The following PTPN13 variants were observed in gnomAD, a reference collection of about 807,000 sequenced individuals.
PTPN13 encodes the protein protein tyrosine phosphatase non-receptor type 13.
A neutral mutation model predicts 284.0 loss-of-function variants in PTPN13; 191 were observed. That is an observed-to-expected ratio of 0.67 (90% confidence interval 0.60 to 0.76). The LOEUF is 0.76. PTPN13 is among the 30% of genes least tolerant of loss of function. The probability of loss-of-function intolerance (pLI) is 0.00; values close to 1 mark genes in which losing one functional copy is unlikely to be tolerated. For missense variants in PTPN13, 2,797 were observed against 2,939.9 expected (o/e 0.95, Z 1.12); for synonymous variants, 986 against 1,022.3 (o/e 0.96, Z 0.68).
At chr4:86,799,069 G>T in intron 41 of PTPN13, 32 bp from the exon 42 acceptor site, 3 of 1,331,194 alleles carry the variant, frequency 2.3e-6, no homozygotes, top group South Asian at 1.4e-5. Flanking sequence ...CAAAAATGAA[G>T]AAAATGTTTC....
intron 1 of PTPN13, among the ~76,000 whole-genome samples, chr4:86,614,057 G>A (rs866933019): frequency 3.3e-5 from 5 of 152,222 alleles, no homozygotes; most frequent in Non-Finnish European, 7.4e-5. Flanking sequence ...GGGGCTCAGA[G>A]ATACATAGCT....
intron 2 of PTPN13, among the ~76,000 whole-genome samples, chr4:86,642,254 G>C (rs904888840): frequency 1.3e-5 from 2 of 151,516 alleles, no homozygotes; most frequent in Admixed American, 6.6e-5. Context: ...TATAATTTAG[G>C]TACTTTTTGT....
At chr4:86,805,884 A>G (rs1744598411) in intron 44 of PTPN13, among the ~76,000 whole-genome samples, 1 of 152,164 alleles carries the variant, frequency 6.6e-6, no homozygotes, top group Admixed American at 6.6e-5. Flanking sequence ...GGCCCGGTGC[A>G]GTGGCTCACA....
Position 86,689,151 on chromosome 4 carries a change from G to A in PTPN13, c.507G>A (p.Val169=), listed in dbSNP as rs1434532433. Reference sequence around the variant, plus strand: ...ATTGTGCACCCTCATTTTCCTACGTGAAACACTTGGTAAAACTGGTTCTGG... The same window carrying A: ...ATTGTGCACCCTCATTTTCCTACGTAAAACACTTGGTAAAACTGGTTCTGG... The part of the protein sequence containing the change: ...NSNCAPSFSY[V]KHLVKLVLGN... Residue 169 remains valine, a synonymous_variant, in exon 5 of 48, where the codon GTG becomes GTA. Coordinates refer to ENST00000411767, the MANE Select transcript of PTPN13 (RefSeq NM_080683.3). 1.2e-6 allele frequency: 2 copies of A among 1,613,508 alleles called. No individual in the cohort carries two copies. Among genetic ancestry groups the A allele is most frequent in the Non-Finnish European group, 1.7e-6 (2 of 1,179,638 alleles).
At chr4:86,668,120 T>C (rs1264400696) in intron 2 of PTPN13, among the ~76,000 whole-genome samples, 1 of 152,198 alleles carries the variant, frequency 6.6e-6, no homozygotes, top group Non-Finnish European at 1.5e-5. Context: ...GGAATGTTGG[T>C]AAAATCTATA....
chr4:86,749,587 A>G (rs1737158687), intron 17 of PTPN13, among the ~76,000 whole-genome samples: 1 of 152,242 alleles, frequency 6.6e-6, no homozygotes, highest in South Asian at 2.1e-4. Flanking sequence ...TCAAATATTA[A>G]AATATCACTG....
At chr4:86,697,454 T>G (rs1730696579) in intron 6 of PTPN13, among the ~76,000 whole-genome samples, 1 of 152,014 alleles carries the variant, frequency 6.6e-6, no homozygotes, top group Admixed American at 6.6e-5. Context: ...CCTTAAAAGG[T>G]CTCTTCTTAT....
intron 12 of PTPN13, 136 bp downstream of exon 12, chr4:86,732,902 C>T: frequency 1.7e-6 from 1 of 576,726 alleles, no homozygotes; most frequent in Non-Finnish European, 2.7e-6. Context: ...GAGTTAGGAA[C>T]TCCCTTTCTT....
chr4:86,800,919 A>T (rs1167862050), intron 42 of PTPN13, among the ~76,000 whole-genome samples: 1 of 151,900 alleles, frequency 6.6e-6, no homozygotes, highest in Admixed American at 6.6e-5. Context: ...TTCCCAGCCA[A>T]CCTCTGCCCG....
rs760967075 is a variant in PTPN13 at position 86,775,312 on chromosome 4, A to G, written c.5650A>G (p.Ile1884Val). ...IPMLPHLLPD[I>V]TLTCNKEELG... is the part of the protein sequence containing the mutation. ...AATGTTGCCTCATTTGCTACCGGAC[A>G]TAACACTAACGTGCAACAAAGAGGA... The change falls in exon 34 of 48, where the codon ATA (isoleucine) becomes GTA (valine). Residue 1884 changes from isoleucine to valine, a missense_variant. Coordinates refer to ENST00000411767, the MANE Select transcript of PTPN13 (RefSeq NM_080683.3). 4.3e-6 allele frequency: 7 copies of G among 1,612,652 alleles called. No homozygotes were observed. The highest frequency in any genetic ancestry group is 3.3e-5 in the Admixed American group (2 of 59,772).
chr4:86,767,123 G>A (rs1739418743), intron 27 of PTPN13, among the ~76,000 whole-genome samples: 1 of 151,756 alleles, frequency 6.6e-6, no homozygotes, highest in African/African-American at 2.4e-5. Flanking sequence ...GGGGGCGGGG[G>A]GTCTCCCTAT....
chr4:86,743,524 A>G (rs1395534562), intron 16 of PTPN13, among the ~76,000 whole-genome samples: 1 of 152,176 alleles, frequency 6.6e-6, no homozygotes, highest in Non-Finnish European at 1.5e-5. Flanking sequence ...CAGGTATACT[A>G]CTGATAATGA....
chr4:86,605,320 T>C (rs1470395126), intron 1 of PTPN13, among the ~76,000 whole-genome samples: 1 of 151,838 alleles, frequency 6.6e-6, no homozygotes, highest in Non-Finnish European at 1.5e-5. Flanking sequence ...GAAATTGAAA[T>C]GGGGGATGAT....
chr4:86,727,025 G>C (rs1179138945), intron 10 of PTPN13, among the ~76,000 whole-genome samples: 1 of 149,468 alleles, frequency 6.7e-6, no homozygotes, highest in East Asian at 1.9e-4. Flanking sequence ...AGCATGAAGG[G>C]CTGTTTAATT....
At chr4:86,712,783 T>C (rs771395019) in intron 7 of PTPN13, among the ~76,000 whole-genome samples, 175 of 152,094 alleles carry the variant, frequency 1.2e-3, no homozygotes, top group Non-Finnish European at 2.1e-3. Context: ...TTTATTATGT[T>C]TTTAAGAGTG....
At chr4:86,608,922 A>G (rs1431159812) in intron 1 of PTPN13, among the ~76,000 whole-genome samples, 2 of 152,198 alleles carry the variant, frequency 1.3e-5, no homozygotes, top group East Asian at 3.8e-4. Flanking sequence ...TTGACTGCTA[A>G]CAAAGTTTCT....
chr4:86,711,067 G>GCATGTGC (rs1209678517), intron 7 of PTPN13, among the ~76,000 whole-genome samples: 1 of 142,548 alleles, frequency 7.0e-6, no homozygotes, highest in African/African-American at 2.6e-5. Flanking sequence ...AGGACTACAA[G>GCATGTGC]CATGTGCCAC....
Position 86,599,244 on chromosome 4 carries a change from G to A in PTPN13, c.-6+4455G>A, listed in dbSNP as rs879551244. Among the ~76,000 whole-genome samples, 6 of 152,136 alleles carry A rather than the reference G, an allele frequency of 3.9e-5. No individual in the cohort carries two copies. The South Asian group carries it at 1.2e-3, about 32-fold the overall frequency. On this transcript the variant is annotated intron_variant, in intron 1 of 47. Transcript: ENST00000411767. ...AGAAAATTTGGTTCCCATAAATGCA[G>A]CAACATTTTTTGTGTTGGATTATAT...
In PTPN13 at chr4:86,689,183, T is replaced by C. The variant is rs754830224; in HGVS notation, c.539T>C (p.Leu180Pro). The change falls in exon 5 of 48, where the codon CTT (leucine) becomes CCT (proline). Residue 180 changes from leucine to proline, a missense_variant. Physicochemically the swap from Leu to Pro is moderately conservative, Grantham distance 98 (BLOSUM62 -3). Coordinates refer to ENST00000411767, the MANE Select transcript of PTPN13 (RefSeq NM_080683.3). ...KHLVKLVLGN[L>P]SGTDQLSCNS... is the part of the protein sequence containing the mutation. ...TTGGTAAAACTGGTTCTGGGAAATC[T>C]TTCTGGGGTAAGCTACAGTTACAAT... 19 of 1,611,518 alleles carry C rather than the reference T, an allele frequency of 1.2e-5. No homozygotes were observed. The Admixed American group carries it at 3.0e-4, about 25-fold the overall frequency.
Sources: gnomAD v4.1 joint callset for allele counts (sites outside exome capture counted in the v4.1 genomes callset) on GRCh38, gnomAD v4.1.1 for gene constraint, MANE v1.5 for transcripts, NCBI Gene and HGNC (gene_info 2026-07-23, HGNC 2026-07-21) for gene names.